Variants in GRM7 observed in about 807,000 individuals in gnomAD.
The protein encoded by GRM7 is glutamate metabotropic receptor 7.
A neutral mutation model predicts 84.5 loss-of-function variants in GRM7; 35 were observed. That is an observed-to-expected ratio of 0.41 (90% CI 0.32 to 0.55). The LOEUF is 0.55. Among genes scored for constraint, GRM7 ranks in the 20% least tolerant of loss-of-function variants. The pLI is 0.19. For missense variants in GRM7, 1,003 were observed against 1,194.6 expected, an observed-to-expected ratio of 0.84 and a Z score of 2.36; for synonymous variants, 487 against 455.1, an observed-to-expected ratio of 1.07 and a Z score of -0.89.
At chr3:7,421,803 GT>G (rs1696405266) in intron 5 of GRM7, among the ~76,000 whole-genome samples, 1 of 149,500 alleles carries the variant, frequency 6.7e-6, no homozygotes, top group East Asian at 2.0e-4. Context: ...GAGCTCTTCA[GT>G]TTTTTGTTTT....
chr3:7,228,596 C>T (rs1472124232), intron 2 of GRM7, among the ~76,000 whole-genome samples: 2 of 152,106 alleles, frequency 1.3e-5, no homozygotes, highest in Non-Finnish European at 2.9e-5. Context: ...ATGTTTATAT[C>T]CCGTGTATAC....
chr3:7,200,415 C>G (rs1172982675), intron 2 of GRM7, among the ~76,000 whole-genome samples: 1 of 152,178 alleles, frequency 6.6e-6, no homozygotes, highest in Non-Finnish European at 1.5e-5. Context: ...CAGGATTTCT[C>G]AGATTTTAAT....
At chr3:7,121,641 AAAG>A (rs1293938646) in intron 1 of GRM7, among the ~76,000 whole-genome samples, 2 of 152,162 alleles carry the variant, frequency 1.3e-5, no homozygotes, top group Admixed American at 1.3e-4. Context: ...ACTCATTCTC[AAAG>A]AAGAACTGAA....
intron 2 of GRM7, among the ~76,000 whole-genome samples, chr3:7,217,537 G>A (rs1399519369): frequency 6.6e-6 from 1 of 151,936 alleles, no homozygotes; most frequent in Non-Finnish European, 1.5e-5. Context: ...TTTTAAAATA[G>A]TGAAAATAAT....
chr3:7,485,487 A>G (rs924461821), intron 7 of GRM7, among the ~76,000 whole-genome samples: 8 of 152,234 alleles, frequency 5.3e-5, no homozygotes, highest in Admixed American at 5.2e-4. Context: ...TCTGGGAGAT[A>G]GATCTGTTGA....
intron 9 of GRM7, among the ~76,000 whole-genome samples, chr3:7,716,159 G>T (rs552642017): frequency 3.9e-5 from 6 of 152,196 alleles, no homozygotes; most frequent in African/African-American, 4.8e-5. Context: ...TCATGCTGTG[G>T]GGGGGTGTTT....
chr3:7,214,845 C>T (rs1696548499), intron 2 of GRM7, among the ~76,000 whole-genome samples: 2 of 152,046 alleles, frequency 1.3e-5, no homozygotes, highest in Non-Finnish European at 2.9e-5. Flanking sequence ...ATTCAGACAC[C>T]TAGAGATTTT....
intron 1 of GRM7, among the ~76,000 whole-genome samples, chr3:7,136,718 A>G (rs1693784302): frequency 6.6e-6 from 1 of 152,112 alleles, no homozygotes; most frequent in South Asian, 2.1e-4. Context: ...ATTCCATTTT[A>G]TCCATTTCCT....
At chr3:6,897,368 T>A (rs1321823537) in intron 1 of GRM7, among the ~76,000 whole-genome samples, 3 of 152,174 alleles carry the variant, frequency 2.0e-5, no homozygotes, top group Non-Finnish European at 4.4e-5. Flanking sequence ...AGTGTCTGTG[T>A]TTTAACAAAT....
At chr3:7,202,817 C>G (rs1223116426) in intron 2 of GRM7, among the ~76,000 whole-genome samples, 1 of 152,178 alleles carries the variant, frequency 6.6e-6, no homozygotes, top group Admixed American at 6.5e-5. Flanking sequence ...AACTTTGAGC[C>G]TCTACATTTA....
intron 2 of GRM7, among the ~76,000 whole-genome samples, chr3:7,203,430 G>C (rs111495942): frequency 1.3e-5 from 2 of 151,986 alleles, no homozygotes; most frequent in Non-Finnish European, 2.9e-5. Context: ...TATCGTGTAC[G>C]TGTGTTTGTG....
chr3:7,625,582 T>G (rs1575568555), intron 8 of GRM7, among the ~76,000 whole-genome samples: 1 of 152,056 alleles, frequency 6.6e-6, no homozygotes, highest in East Asian at 1.9e-4. Flanking sequence ...GGCAGGAGGA[T>G]CCTTTGAGCC....
chr3:7,062,205 G>T (rs928034415), intron 1 of GRM7, among the ~76,000 whole-genome samples: 1 of 151,746 alleles, frequency 6.6e-6, no homozygotes, highest in African/African-American at 2.4e-5. Flanking sequence ...GGAATACAAG[G>T]ATCATAGGAG....
intron 1 of GRM7, among the ~76,000 whole-genome samples, chr3:7,016,989 T>C (rs1056540074): frequency 6.6e-6 from 1 of 152,056 alleles, no homozygotes; most frequent in Non-Finnish European, 1.5e-5. Flanking sequence ...GAAAACAGAG[T>C]CTTAGGCCGC....
chr3:7,279,757 A>G (rs573608417), intron 2 of GRM7, among the ~76,000 whole-genome samples: 1 of 152,220 alleles, frequency 6.6e-6, no homozygotes, highest in African/African-American at 2.4e-5. Flanking sequence ...AAGGACTCAT[A>G]TCTATTTGGT....
intron 9 of GRM7, among the ~76,000 whole-genome samples, chr3:7,710,188 A>G (rs1701532171): frequency 6.6e-6 from 1 of 152,146 alleles, no homozygotes; most frequent in Non-Finnish European, 1.5e-5. Context: ...TTGGGTTTAT[A>G]TTTTTAAAGA....
intron 1 of GRM7, among the ~76,000 whole-genome samples, chr3:7,006,614 G>A (rs1210334199): frequency 6.6e-6 from 1 of 152,110 alleles, no homozygotes; most frequent in African/African-American, 2.4e-5. Flanking sequence ...CTATTATTCA[G>A]TGTGTAATTT....
chr3:7,612,769 G>A (rs1696901694), intron 8 of GRM7, among the ~76,000 whole-genome samples: 1 of 152,140 alleles, frequency 6.6e-6, no homozygotes, highest in African/African-American at 2.4e-5. Context: ...TTTTAGAGGA[G>A]AAAAAGTGAT....
At chr3:7,134,993 T>G (rs1693725540) in intron 1 of GRM7, among the ~76,000 whole-genome samples, 1 of 152,188 alleles carries the variant, frequency 6.6e-6, no homozygotes, top group Non-Finnish European at 1.5e-5. Context: ...ACTCACAGAA[T>G]GCTGAAGGTG....
Sources: allele counts gnomAD v4.1 joint callset (sites outside exome capture counted in the v4.1 genomes callset), GRCh38; gene constraint gnomAD v4.1.1; transcripts MANE v1.5; gene names NCBI Gene and HGNC (gene_info 2026-07-23, HGNC 2026-07-21).